Variants in MBP observed in about 807,000 individuals in gnomAD.
MBP encodes Golli-MBP.
A neutral mutation model predicts 35.8 loss-of-function variants in MBP; 16 were observed. That is an observed-to-expected ratio of 0.45 (90% CI 0.30 to 0.68). The LOEUF (loss-of-function observed/expected upper bound fraction) is 0.68. MBP is among the 30% of genes least tolerant of loss of function. The pLI is 0.08. For synonymous variants in MBP, 143 were observed against 159.6 expected, an observed-to-expected ratio of 0.90 and a Z score of 0.78; for missense variants, 380 against 404.7, an observed-to-expected ratio of 0.94 and a Z score of 0.52.
chr18:76,994,103 C>T (rs899222986), intron 4 of MBP, among the ~76,000 whole-genome samples: 2 of 152,124 alleles, frequency 1.3e-5, no homozygotes, highest in South Asian at 2.1e-4. Context: ...GGTGTGAAAT[C>T]GTGAATCAAA....
chr18:77,106,543 GGT>G (rs1976284265), intron 1 of MBP, among the ~76,000 whole-genome samples: 1 of 152,080 alleles, frequency 6.6e-6, no homozygotes, highest in Admixed American at 6.5e-5. Context: ...CCACCTTCAG[GGT>G]GTGTGATGAA....
intron 2 of MBP, among the ~76,000 whole-genome samples, chr18:77,095,193 A>G (rs1385716703): frequency 1.3e-5 from 2 of 152,218 alleles, no homozygotes; most frequent in Non-Finnish European, 2.9e-5. Context: ...GTCGGCACCC[A>G]CACAATCTAA....
intron 4 of MBP, among the ~76,000 whole-genome samples, chr18:76,997,966 G>A (rs538173445): frequency 1.3e-5 from 2 of 152,364 alleles, no homozygotes; most frequent in East Asian, 1.9e-4. Context: ...ACAGGCGTGA[G>A]CCACCACGCC....
intron 2 of MBP, among the ~76,000 whole-genome samples, chr18:77,086,516 A>C (rs1975242740): frequency 6.6e-6 from 1 of 152,200 alleles, no homozygotes; most frequent in African/African-American, 2.4e-5. Context: ...GCAAGTCATA[A>C]AAATACTGAA....
chr18:77,019,339 G>A lies in MBP; in HGVS notation c.140-2071C>T, dbSNP rs140007773. 2.4e-3 allele frequency among the ~76,000 whole-genome samples: 362 copies of A among 152,288 alleles called. 1 individual carries two copies. The highest frequency in any genetic ancestry group is 3.7e-3 in the Admixed American group (56 of 15,294). On this transcript the variant is annotated intron_variant, in intron 3 of 8. Transcript: ENST00000355994. ...TGAAGATGAGGTCATTCTGCAGTAG[G>A]GTGGGCCCTACTCCAATCACTGGTG...
intron 4 of MBP, among the ~76,000 whole-genome samples, chr18:77,011,337 T>C (rs1395275937): frequency 1.3e-5 from 2 of 152,230 alleles, no homozygotes; most frequent in Non-Finnish European, 2.9e-5. Flanking sequence ...CTGGTGTCCA[T>C]GAGCGTGAGC....
intron 3 of MBP, among the ~76,000 whole-genome samples, chr18:77,034,670 A>G (rs765038527): frequency 6.6e-6 from 1 of 152,160 alleles, no homozygotes; most frequent in Non-Finnish European, 1.5e-5. Context: ...CTTGTGGATT[A>G]GAAGACGGAA....
At chr18:77,003,825 T>C (rs1010038198) in intron 4 of MBP, 3 of 152,202 alleles carry the variant, frequency 2.0e-5, no homozygotes, top group African/African-American at 7.2e-5. Flanking sequence ...TCCTTAAAGA[T>C]GCTCAAAGGA....
Position 77,020,731 on chromosome 18 carries a change from T to C in MBP, c.140-3463A>G, listed in dbSNP as rs1048787342. On this transcript the variant is annotated intron_variant, in intron 3 of 8. Coordinates refer to ENST00000355994, the MANE Select transcript of MBP (RefSeq NM_001025101.2). This position sits in a 1 kb window ranked among gnomAD's most constrained non-coding sequence, Gnocchi z 4.1. Reference sequence around the variant, plus strand: ...AAGGCGCTGTTCTGCACAGACCATGTGGTGCTCACAGCTGTTCCGGCACAG... The same window carrying C: ...AAGGCGCTGTTCTGCACAGACCATGCGGTGCTCACAGCTGTTCCGGCACAG... Among the ~76,000 whole-genome samples, 10 of 152,202 alleles carry C rather than the reference T, an allele frequency of 6.6e-5. No individual in the cohort carries two copies. The highest frequency in any genetic ancestry group is 2.4e-4 in the African/African-American group (10 of 41,448).
chr18:77,118,513 C>T lies in MBP; in HGVS notation c.-25-13227G>A, dbSNP rs540226624. Among the ~76,000 whole-genome samples, 8 of 152,018 alleles carry T rather than the reference C, an allele frequency of 5.3e-5. No homozygotes were observed. In the South Asian group the frequency reaches 1.7e-3, roughly 31 times the overall value. ...GGAAATCTCCCGTGTGAGTGTCTGC[C>T]CTGTGCTCGGCACCAGGGTTCACAG... On this transcript the variant is annotated intron_variant, in intron 1 of 8. Transcript: ENST00000355994.
chr18:77,017,364 A>G (rs1971710560), intron 3 of MBP, 96 bp from the exon 4 acceptor site: 2 of 1,196,682 alleles, frequency 1.7e-6, no homozygotes, highest in Non-Finnish European at 1.1e-6. Context: ...GCTGTCTCCT[A>G]TAAAACCCAC....
At chr18:76,986,181 A>G (rs1224561380) in intron 7 of MBP, 1 of 985,524 alleles carries the variant, frequency 1.0e-6, no homozygotes. Context: ...TGGCCTCCTG[A>G]GTCTCTACTC....
chr18:77,004,552 C>T (rs1970813112), intron 4 of MBP: 2 of 152,204 alleles, frequency 1.3e-5, no homozygotes, highest in South Asian at 4.1e-4. Context: ...TTACAGAAAG[C>T]TGTGCACCAT....
chr18:77,128,000 T>C (rs1977113322), intron 1 of MBP: 1 of 152,214 alleles, frequency 6.6e-6, no homozygotes, highest in Admixed American at 6.5e-5. Context: ...ATTAGACATG[T>C]GCTAACCATA....
At chr18:77,030,797 G>A (rs144865688) in intron 3 of MBP, among the ~76,000 whole-genome samples, 10 of 152,162 alleles carry the variant, frequency 6.6e-5, no homozygotes, top group African/African-American at 1.9e-4. Flanking sequence ...TTTATCAGAC[G>A]GTATCTTCAA....
At position 76,979,656 on chromosome 18, in the gene MBP, C is replaced by T. The variant is rs983017875; in HGVS notation, c.*771G>A. On this transcript the variant is annotated 3_prime_UTR_variant, in exon 9 of 9. Coordinates refer to ENST00000355994, the MANE Select transcript of MBP (RefSeq NM_001025101.2). ...CAGGGCAACGGTGACGTCCAGAGGC[C>T]ACCTGCTTGACATCTCCATCACCAA... 2.3e-6 allele frequency: 1 copy of T among 438,458 alleles called. No individual in the cohort carries two copies. Among genetic ancestry groups the T allele is most frequent in the African/African-American group, 2.0e-5 (1 of 50,008 alleles). The allele number at this position is 438,458 out of a possible 1,614,324, so 27.2% of individuals were successfully genotyped here.
chr18:77,071,690 T>C (rs1034214617), intron 2 of MBP, among the ~76,000 whole-genome samples: 2 of 152,142 alleles, frequency 1.3e-5, no homozygotes, highest in Admixed American at 1.3e-4. Context: ...CACCCACTTG[T>C]TCCCACCCAT....
chr18:77,112,319 C>T (rs1444059814), intron 1 of MBP, among the ~76,000 whole-genome samples: 1 of 152,250 alleles, frequency 6.6e-6, no homozygotes, highest in Non-Finnish European at 1.5e-5. Flanking sequence ...CTCCTTCCGT[C>T]ATCCCGTTCC....
intron 2 of MBP, among the ~76,000 whole-genome samples, chr18:77,103,304 G>A (rs1336662971): frequency 2.6e-5 from 4 of 152,264 alleles, no homozygotes; most frequent in South Asian, 2.1e-4. Context: ...ATTCAATTCC[G>A]TTCAATTCCG....
Sources: gnomAD v4.1 joint callset for allele counts (sites outside exome capture counted in the v4.1 genomes callset) on GRCh38, gnomAD v4.1.1 for gene constraint, Gnocchi (gnomAD v3.1) non-coding constraint, MANE v1.5 for transcripts, NCBI Gene and HGNC (gene_info 2026-07-23, HGNC 2026-07-21) for gene names.